Variants in DIAPH2 observed in about 807,000 individuals in gnomAD.
The protein encoded by DIAPH2 is diaphanous related formin 2, also known as protein diaphanous homolog 2.
DIAPH2 carries 35 observed loss-of-function variants against 92.7 expected under a neutral mutation model. The ratio of observed to expected loss-of-function variants is 0.38; its 90% confidence interval spans 0.29 to 0.50. DIAPH2 has a LOEUF of 0.50. Among genes scored for constraint, DIAPH2 ranks in the 20% least tolerant of loss-of-function variants. The pLI, the probability that DIAPH2 is intolerant of heterozygous loss-of-function variation, is 0.94. For synonymous variants in DIAPH2, 301 were observed against 280.4 expected, an observed-to-expected ratio of 1.07 and a Z score of -0.73; for missense variants, 701 against 819.5, an observed-to-expected ratio of 0.86 and a Z score of 1.77.
chrX:97,277,000 A>C (rs1055659841), intron 23 of DIAPH2, among the ~76,000 whole-genome samples: 1 of 112,469 alleles, frequency 8.9e-6, no homozygotes, highest in African/African-American at 3.2e-5. Context: ...ATACTTTATC[A>C]TGTGATTAAC....
intron 22 of DIAPH2, among the ~76,000 whole-genome samples, chrX:97,246,792 C>T (rs1486487717): frequency 2.7e-5 from 3 of 112,039 alleles, no homozygotes. Context: ...ATTTCAGAGG[C>T]CTGGATTTAA....
chrX:97,494,152 C>A (rs369017907), intron 26 of DIAPH2, among the ~76,000 whole-genome samples: 4 of 104,341 alleles, frequency 3.8e-5, no homozygotes, highest in Non-Finnish European at 7.8e-5. Context: ...TATGTATACA[C>A]ACACACACAC....
chrX:97,557,157 G>A (rs2071262916), intron 26 of DIAPH2, among the ~76,000 whole-genome samples: 1 of 111,995 alleles, frequency 8.9e-6, no homozygotes, highest in Non-Finnish European at 1.9e-5. Context: ...GGAGTCTAGG[G>A]TTAGTTGTAG....
intron 3 of DIAPH2, among the ~76,000 whole-genome samples, chrX:96,755,868 CTTT>C (rs759402738): frequency 9.9e-6 from 1 of 100,673 alleles, no homozygotes; most frequent in Non-Finnish European, 2.0e-5. Flanking sequence ...TTCTTTCTTC[CTTT>C]TTTTTTTTTG....
In DIAPH2 at chrX:97,368,391, G is replaced by A. The variant is rs189746302; in HGVS notation, c.3010-15518G>A. On this transcript the variant is annotated intron_variant, in intron 24 of 26. Transcript: ENST00000324765. ...TTCAGCACTTCTTTTATTCTTCATC[G>A]GACATCAGGTTTTTACATATTCTTT... is the stretch of plus-strand genomic sequence containing the variant. 4.1e-3 allele frequency among the ~76,000 whole-genome samples: 460 copies of A among 111,760 alleles called. 7 individuals are homozygous for A. The highest frequency in any genetic ancestry group is 0.014 in the African/African-American group (434 of 30,778).
chrX:96,815,224 A>T (rs994593469), intron 4 of DIAPH2, among the ~76,000 whole-genome samples: 15 of 111,204 alleles, frequency 1.3e-4, no homozygotes, highest in Admixed American at 6.6e-4. Context: ...CTGTTTACCT[A>T]CTCAAGCCTC....
chrX:97,202,254 C>T (rs2067757505), intron 22 of DIAPH2, among the ~76,000 whole-genome samples: 1 of 111,876 alleles, frequency 8.9e-6, no homozygotes, highest in South Asian at 3.7e-4. Context: ...ACTGCATCAA[C>T]TAATGTGCAA....
At chrX:96,793,503 A>G in intron 4 of DIAPH2, 1 of 305,457 alleles carries the variant, frequency 3.3e-6, no homozygotes, top group Non-Finnish European at 6.2e-6. Context: ...AATGAAACTT[A>G]TTAAGTAGGG....
chrX:97,177,755 C>T (rs1172946090), intron 22 of DIAPH2, among the ~76,000 whole-genome samples: 1 of 107,356 alleles, frequency 9.3e-6, no homozygotes, highest in African/African-American at 3.4e-5. Context: ...GCTTTTCTTC[C>T]TGGTCTATTG....
At chrX:97,379,281 A>C (rs899014792) in intron 24 of DIAPH2, among the ~76,000 whole-genome samples, 1 of 111,518 alleles carries the variant, frequency 9.0e-6, no homozygotes, top group Admixed American at 9.5e-5. Context: ...AACTTCCCCA[A>C]AAAGGGAGGA....
chrX:97,099,981 AAAT>A (rs200084122), intron 20 of DIAPH2, among the ~76,000 whole-genome samples, 186 bp downstream of exon 20: 1,286 of 112,203 alleles, frequency 0.011, 14 homozygotes, highest in African/African-American at 0.039. Flanking sequence ...TGGCATTGAA[AAAT>A]AATAAAATAT....
At chrX:97,478,255 T>C (rs896944924) in intron 26 of DIAPH2, among the ~76,000 whole-genome samples, 1 of 112,127 alleles carries the variant, frequency 8.9e-6, no homozygotes, top group African/African-American at 3.2e-5. Context: ...AAAAATTCTA[T>C]CCCATGCTTA....
In DIAPH2 at chrX:96,876,561, A is replaced by C. The variant is rs12015765; in HGVS notation, c.448-5018A>C. Among the ~76,000 whole-genome samples, 875 of 111,954 alleles carry C rather than the reference A, an allele frequency of 7.8e-3. 11 individuals are homozygous for C. The highest frequency in any genetic ancestry group is 0.024 in the African/African-American group (752 of 30,830). On this transcript the variant is annotated intron_variant, in intron 4 of 26. Transcript: ENST00000324765. ...TTAAGGAAATGTGGCACATATACAC[A>C]ATGGAATACTATGCAGCCATAAAAA...
At chrX:96,850,512 T>C (rs2065000238) in intron 4 of DIAPH2, among the ~76,000 whole-genome samples, 1 of 112,253 alleles carries the variant, frequency 8.9e-6, no homozygotes, top group South Asian at 3.7e-4. Flanking sequence ...GGTAATTTGA[T>C]TCAAGGGTCC....
chrX:97,447,849 T>G (rs1037974589), intron 26 of DIAPH2, among the ~76,000 whole-genome samples: 2 of 112,066 alleles, frequency 1.8e-5, no homozygotes, highest in Non-Finnish European at 3.8e-5. Context: ...CCTCCCTTGT[T>G]TATTTCTTCC....
At chrX:97,507,087 A>T (rs1437494826) in intron 26 of DIAPH2, among the ~76,000 whole-genome samples, 1 of 104,775 alleles carries the variant, frequency 9.5e-6, no homozygotes, top group Admixed American at 1.0e-4. Context: ...TCACAAGGAA[A>T]ATGTTGCTGG....
In DIAPH2 at chrX:97,182,873, G is replaced by A. The variant is rs143018716; in HGVS notation, c.2719+41079G>A. Among the ~76,000 whole-genome samples the A allele has an allele frequency of 9.4e-3, 1,040 of 110,927 alleles. 10 individuals carry two copies. The highest frequency in any genetic ancestry group is 0.015 in the Non-Finnish European group (808 of 52,954). On this transcript the variant is annotated intron_variant, in intron 22 of 26. Coordinates refer to ENST00000324765, the MANE Select transcript of DIAPH2 (RefSeq NM_006729.5). ...ATATGGTACTAGAATTAGAAGAAGG[G>A]TGGGTATCAGTAATTACCTATTTTT...
intron 3 of DIAPH2, among the ~76,000 whole-genome samples, chrX:96,744,403 A>G (rs1261674910): frequency 8.9e-6 from 1 of 112,569 alleles, no homozygotes; most frequent in Non-Finnish European, 1.9e-5. Context: ...AGCTGAGCCG[A>G]AACTTAAATT....
At chrX:97,438,545 A>T (rs1000799713) in intron 26 of DIAPH2, among the ~76,000 whole-genome samples, 1 of 105,391 alleles carries the variant, frequency 9.5e-6, no homozygotes, top group Admixed American at 1.0e-4. Context: ...TTACTTATTT[A>T]TTTATTTTTT....
Sources: allele counts gnomAD v4.1 joint callset (sites outside exome capture counted in the v4.1 genomes callset), GRCh38; gene constraint gnomAD v4.1.1; transcripts MANE v1.5; gene names NCBI Gene and HGNC (gene_info 2026-07-23, HGNC 2026-07-21).